CEP70: variants seen among roughly 807,000 people sequenced by gnomAD.
CEP70 encodes the protein centrosomal protein 70.
Under a neutral mutation model 90.9 loss-of-function variants are expected in CEP70, and 70 were observed. That is an observed-to-expected ratio of 0.77 (90% CI 0.64 to 0.94). CEP70 has a LOEUF of 0.94. Among genes scored for constraint, CEP70 ranks in the 40% least tolerant of loss-of-function variants. The probability of loss-of-function intolerance (pLI) is 0.00; values close to 1 mark genes in which losing one functional copy is unlikely to be tolerated. For synonymous variants in CEP70, 220 were observed against 228.3 expected (o/e 0.96, Z 0.33); for missense variants, 648 against 669.0 (o/e 0.97, Z 0.35).
At chr3:138,518,581 T>C (rs2036288950) in intron 11 of CEP70, among the ~76,000 whole-genome samples, 2 of 151,990 alleles carry the variant, frequency 1.3e-5, no homozygotes, top group Admixed American at 1.3e-4. Flanking sequence ...GGGTCTGGAG[T>C]GGACCTCCAG....
intron 11 of CEP70, among the ~76,000 whole-genome samples, chr3:138,510,942 C>T (rs2035478440): frequency 6.6e-6 from 1 of 150,766 alleles, no homozygotes; most frequent in Non-Finnish European, 1.5e-5. Flanking sequence ...CTCACTGCAA[C>T]CTCTGCCTCC....
intron 2 of CEP70, among the ~76,000 whole-genome samples, chr3:138,590,610 G>A (rs1442856433): frequency 6.6e-6 from 1 of 151,410 alleles, no homozygotes; most frequent in Non-Finnish European, 1.5e-5. Flanking sequence ...GTGCAGCTTG[G>A]CCAACATGGT....
At chr3:138,581,070 A>T (rs1275267993) in intron 2 of CEP70, among the ~76,000 whole-genome samples, 1 of 151,392 alleles carries the variant, frequency 6.6e-6, no homozygotes, top group Non-Finnish European at 1.5e-5. Flanking sequence ...GGATCACCTA[A>T]GGTCAGGAGT....
intron 11 of CEP70, among the ~76,000 whole-genome samples, 192 bp from the exon 12 acceptor site, chr3:138,508,736 ATTT>A (rs751232055): frequency 2.1e-5 from 3 of 144,402 alleles, no homozygotes; most frequent in African/African-American, 7.6e-5. Flanking sequence ...GTTAAAAAAA[ATTT>A]TTTTTTTTTT....
intron 6 of CEP70, among the ~76,000 whole-genome samples, chr3:138,540,895 T>C (rs192524904): frequency 4.6e-5 from 7 of 152,328 alleles, no homozygotes; most frequent in East Asian, 3.9e-4. Context: ...ATATACACCA[T>C]AGAATACTAC....
In CEP70 at chr3:138,500,491, A is replaced by C. The variant is rs748827623; in HGVS notation, c.1445T>G (p.Leu482Ter). 27 of 1,612,186 alleles carry C rather than the reference A, an allele frequency of 1.7e-5. No homozygotes were observed. Among genetic ancestry groups the C allele is most frequent in the Non-Finnish European group, 2.3e-5 (27 of 1,179,496 alleles). ...HFQKLFDVPS[L>*]NGVYPRMNEV... ...ATTCATTCGGGGATAGACTCCATTT[A>C]AAGAAGGCACATCAAATAACTTTTG... is the stretch of plus-strand genomic sequence containing the variant. The change falls in exon 15 of 18, where the codon TTA becomes TGA. Residue 482 changes from leucine to a stop codon, truncating the protein, a stop_gained. Transcript: ENST00000264982. LOFTEE classifies it high-confidence loss of function.
chr3:138,567,770 T>C (rs1560428472), intron 6 of CEP70, among the ~76,000 whole-genome samples: 1 of 152,230 alleles, frequency 6.6e-6, no homozygotes, highest in Non-Finnish European at 1.5e-5. Flanking sequence ...TAGCAACCTC[T>C]TTAAGCCCAA....
intron 17 of CEP70, chr3:138,497,433 A>G: frequency 5.4e-6 from 6 of 1,121,038 alleles, no homozygotes; most frequent in African/African-American, 1.7e-5. Flanking sequence ...TAAGATAAAT[A>G]ATTTTATAGC....
chr3:138,591,932 C>G lies in CEP70; in HGVS notation c.-84G>C. 8.3e-7 allele frequency: 1 copy of G among 1,210,418 alleles called. No homozygotes were observed. The highest frequency in any genetic ancestry group is 2.9e-5 in the Admixed American group (1 of 34,324). 75.0% of individuals were successfully genotyped at this position (1,210,418 alleles called of 1,614,324 possible). A position where few individuals can be genotyped will look rare whatever the true frequency, so the allele number is the denominator to read the frequency against. Reference sequence around the variant, plus strand: ...TCAATGAAATGATCACCCAACGAGTCTCATGTCTGAAACTGGATCTTCATC... The same window carrying G: ...TCAATGAAATGATCACCCAACGAGTGTCATGTCTGAAACTGGATCTTCATC... On this transcript the variant is annotated 5_prime_UTR_variant, in exon 2 of 18. Coordinates refer to ENST00000264982, the MANE Select transcript of CEP70 (RefSeq NM_024491.4).
At chr3:138,497,915 T>A (rs2034093270) in intron 17 of CEP70, 116 bp downstream of exon 17, 1 of 1,517,140 alleles carries the variant, frequency 6.6e-7, no homozygotes, top group African/African-American at 1.4e-5. Flanking sequence ...CCAGAACTGT[T>A]AGTGGTTTCC....
In CEP70 at chr3:138,560,960, G is replaced by T. The variant is rs143657599; in HGVS notation, c.465+9358C>A. 2.0e-4 allele frequency among the ~76,000 whole-genome samples: 31 copies of T among 152,252 alleles called. No individual in the cohort carries two copies. The East Asian group carries it at 5.2e-3, about 26-fold the overall frequency. On this transcript the variant is annotated intron_variant, in intron 6 of 17. Transcript: ENST00000264982. ...GGGCACAGCGTCAGCAGACTTAAAC[G>T]TCCTGGCCTGACGGCTCTGAAGAGA...
chr3:138,589,821 G>A lies in CEP70; in HGVS notation c.-6+2033C>T, dbSNP rs544527115. Among the ~76,000 whole-genome samples the A allele has an allele frequency of 5.3e-5, 8 of 152,280 alleles. No homozygotes were observed. In the East Asian group the frequency reaches 1.5e-3, roughly 29 times the overall value. On this transcript the variant is annotated intron_variant, in intron 2 of 17. Coordinates refer to ENST00000264982, the MANE Select transcript of CEP70 (RefSeq NM_024491.4). ...TAAGAAATTCACGGAAAAGAAGTGTGAGCCAAAGACTTTATATCTGCAAAA... is the reference window on the plus strand; with the variant it reads ...TAAGAAATTCACGGAAAAGAAGTGTAAGCCAAAGACTTTATATCTGCAAAA...
At chr3:138,515,722 T>A (rs770360892) in intron 11 of CEP70, among the ~76,000 whole-genome samples, 1 of 152,132 alleles carries the variant, frequency 6.6e-6, no homozygotes, top group Non-Finnish European at 1.5e-5. Context: ...TAATGAAGAC[T>A]ATCTATCTCT....
intron 2 of CEP70, among the ~76,000 whole-genome samples, chr3:138,584,805 A>G (rs2042033290): frequency 6.6e-6 from 1 of 152,128 alleles, no homozygotes; most frequent in African/African-American, 2.4e-5. Context: ...ATACCTCCAC[A>G]TAATAAAAGC....
At chr3:138,550,336 T>A (rs540593153) in intron 6 of CEP70, among the ~76,000 whole-genome samples, 2 of 152,038 alleles carry the variant, frequency 1.3e-5, no homozygotes, top group East Asian at 3.9e-4. Flanking sequence ...AGGAGAGAAA[T>A]CTTCAGTGAA....
At chr3:138,501,188 T>C (rs1273999894) in intron 13 of CEP70, among the ~76,000 whole-genome samples, 1 of 152,124 alleles carries the variant, frequency 6.6e-6, no homozygotes, top group African/African-American at 2.4e-5. Flanking sequence ...TTATTTATTA[T>C]TGTTCCATAA....
chr3:138,500,735 CT>C lies in CEP70; in HGVS notation c.1367del (p.Lys456ArgfsTer27). 2 of 1,591,320 alleles carry C rather than the reference CT, an allele frequency of 1.3e-6. No individual in the cohort carries two copies. Among genetic ancestry groups the C allele is most frequent in the Non-Finnish European group, 1.7e-6 (2 of 1,170,828 alleles). On this transcript the variant is annotated frameshift_variant and splice_region_variant, in exon 14 of 18. Coordinates refer to ENST00000264982, the MANE Select transcript of CEP70 (RefSeq NM_024491.4). LOFTEE classifies it high-confidence loss of function. The stretch of plus-strand genomic sequence containing the variant: ...AGGTGACCGTTCATGTAGGTATTAC[CT>C]TTTCCTTATTTTCAACTTCTTCCAG... Reference protein sequence around the residue: ...TMLEEVENKEKDSNMPHFQTL... With the variant: ...TMLEEVENKEXDSNMPHFQTL...
chr3:138,571,153 G>A lies in CEP70; in HGVS notation c.165C>T (p.Leu55=). ...GTGATGACTGTTTGTCAAAAATGAT[G>A]AGATCTACATTTAAAAAGTATATAA... ...SLVKRTDLKD[L]IIFDKQSSQR... Residue 55 remains leucine, a synonymous_variant, in exon 5 of 18, where the codon CTC becomes CTT. Transcript: ENST00000264982. 3.1e-6 allele frequency: 5 copies of A among 1,590,676 alleles called. No homozygotes were observed. Among genetic ancestry groups the A allele is most frequent in the Admixed American group, 1.7e-5 (1 of 57,348 alleles).
chr3:138,527,101 G>A (rs1205993964), intron 10 of CEP70, among the ~76,000 whole-genome samples: 1 of 152,184 alleles, frequency 6.6e-6, no homozygotes, highest in Non-Finnish European at 1.5e-5. Context: ...ATCAGTGGTT[G>A]TCTCAGGGAA....
Sources: gnomAD v4.1 joint callset for allele counts (sites outside exome capture counted in the v4.1 genomes callset) on GRCh38, gnomAD v4.1.1 for gene constraint, MANE v1.5 for transcripts, NCBI Gene and HGNC (gene_info 2026-07-23, HGNC 2026-07-21) for gene names.